Variants in SLC35F2 observed in about 807,000 individuals in gnomAD.
SLC35F2 encodes solute carrier family 35 member F2.
In SLC35F2, 25 loss-of-function variants were observed where a neutral mutation model predicts 38.1. That is an observed-to-expected ratio of 0.66 (90% confidence interval 0.48 to 0.92). SLC35F2 has a LOEUF of 0.92. SLC35F2 is among the 40% of genes least tolerant of loss of function. The probability of loss-of-function intolerance (pLI) is 0.00; values close to 1 mark genes in which losing one functional copy is unlikely to be tolerated. For missense variants in SLC35F2, 409 were observed against 452.9 expected (o/e 0.90, Z 0.88); for synonymous variants, 173 against 181.7 (o/e 0.95, Z 0.38).
At chr11:107,806,967 T>A in intron 3 of SLC35F2, 91 bp from the exon 4 acceptor site, 1 of 1,158,942 alleles carries the variant, frequency 8.6e-7, no homozygotes, top group South Asian at 1.5e-5. Flanking sequence ...GTATTTATAA[T>A]AGGAGTCAGT....
At chr11:107,829,954 T>C (rs1478150872) in intron 1 of SLC35F2, among the ~76,000 whole-genome samples, 1 of 152,130 alleles carries the variant, frequency 6.6e-6, no homozygotes, top group Non-Finnish European at 1.5e-5. Context: ...AAATTTATAT[T>C]CATCACTACT....
chr11:107,824,422 G>A (rs954287435), intron 1 of SLC35F2, among the ~76,000 whole-genome samples: 2 of 152,194 alleles, frequency 1.3e-5, no homozygotes, highest in South Asian at 2.1e-4. Context: ...TCCAGAGTTA[G>A]ATAAAACTGG....
At chr11:107,808,961 G>T (rs886683322) in intron 3 of SLC35F2, among the ~76,000 whole-genome samples, 1 of 152,164 alleles carries the variant, frequency 6.6e-6, no homozygotes, top group Non-Finnish European at 1.5e-5. Context: ...AACAACTTTT[G>T]TTGGGCAATG....
At chr11:107,802,237 C>CAAAAAAA (rs1196154388) in intron 7 of SLC35F2, among the ~76,000 whole-genome samples, 2 of 112,430 alleles carry the variant, frequency 1.8e-5, no homozygotes, top group East Asian at 5.5e-4. Flanking sequence ...GACTCCATCT[C>CAAAAAAA]AAAAAAAATA....
At chr11:107,847,758 A>G (rs899766024) in intron 1 of SLC35F2, among the ~76,000 whole-genome samples, 1 of 152,218 alleles carries the variant, frequency 6.6e-6, no homozygotes, top group Admixed American at 6.5e-5. Context: ...TGGTGCTAAC[A>G]GTGAAAGCAA....
intron 1 of SLC35F2, among the ~76,000 whole-genome samples, chr11:107,846,082 T>G (rs994732262): frequency 1.3e-5 from 2 of 151,980 alleles, no homozygotes; most frequent in African/African-American, 2.4e-5. Flanking sequence ...ATTCAAATCT[T>G]TATTTGGGGT....
At chr11:107,843,286 G>C (rs1860040445) in intron 1 of SLC35F2, among the ~76,000 whole-genome samples, 1 of 152,142 alleles carries the variant, frequency 6.6e-6, no homozygotes, top group Non-Finnish European at 1.5e-5. Context: ...AATTGAGGCT[G>C]GCCAGGCACA....
Position 107,803,092 on chromosome 11 carries a change from A to G in SLC35F2, c.848T>C (p.Ile283Thr). Residue 283 changes from isoleucine to threonine, a missense_variant, in exon 7 of 8, where the codon ATT becomes ACT. Ile to Thr is a moderately conservative substitution (Grantham distance 89). Transcript: ENST00000525815. The stretch of plus-strand genomic sequence containing the variant: ...GACGGAAGTGGCACTAGTGACTTTA[A>G]TCACCAATGGCATGAAGCTGTACAG... ...FCLYSFMPLV[I>T]KVTSATSVNL... The G allele has an allele frequency of 6.2e-7, 1 of 1,614,102 alleles. No individual in the cohort carries two copies. Among genetic ancestry groups the G allele is most frequent in the Non-Finnish European group, 8.5e-7 (1 of 1,179,986 alleles).
At chr11:107,845,589 ATC>A (rs1202510887) in intron 1 of SLC35F2, among the ~76,000 whole-genome samples, 1 of 152,136 alleles carries the variant, frequency 6.6e-6, no homozygotes, top group East Asian at 1.9e-4. Flanking sequence ...TTTTCATGGA[ATC>A]TCTCTGTGTA....
intron 1 of SLC35F2, among the ~76,000 whole-genome samples, chr11:107,850,814 CAAA>C (rs528066229): frequency 4.1e-5 from 5 of 121,360 alleles, no homozygotes; most frequent in Middle Eastern, 3.8e-3. Flanking sequence ...ACTCCGTCTC[CAAA>C]AAAAAAAAAA....
intron 1 of SLC35F2, among the ~76,000 whole-genome samples, chr11:107,851,186 C>A (rs529535683): frequency 2.0e-5 from 3 of 151,874 alleles, no homozygotes; most frequent in African/African-American, 7.2e-5. Context: ...TCTCTTGAAC[C>A]CGGGAGGCGG....
In SLC35F2 at chr11:107,853,719, CAAAAAAA is replaced by C. The variant is rs67932834; in HGVS notation, c.110+4932_110+4938del. Reference sequence around the variant, plus strand: ...TGGGCGACAGAGCGAGACTCCGTCTCAAAAAAAAAAAAAAAAAAAAAAGAAAGAATCA... The same window carrying C: ...TGGGCGACAGAGCGAGACTCCGTCTCAAAAAAAAAAAAAAAGAAAGAATCA... On this transcript the variant is annotated intron_variant, in intron 1 of 7. Transcript: ENST00000525815. Among the ~76,000 whole-genome samples, 9 of 68,162 alleles carry C rather than the reference CAAAAAAA, an allele frequency of 1.3e-4. No homozygotes were observed. In the South Asian group the frequency reaches 1.8e-3, roughly 14 times the overall value. The allele number at this position is 68,162 out of a possible 152,430, so 44.7% of individuals were successfully genotyped here.
chr11:107,831,665 A>G (rs1859844449), intron 1 of SLC35F2, among the ~76,000 whole-genome samples: 1 of 152,182 alleles, frequency 6.6e-6, no homozygotes. Context: ...TTCTTTTGAG[A>G]TGGTTGTCTT....
chr11:107,849,638 T>TA (rs2134858780), intron 1 of SLC35F2, among the ~76,000 whole-genome samples: 1 of 49,730 alleles, frequency 2.0e-5, no homozygotes, highest in Non-Finnish European at 4.4e-5. Context: ...GACTCCGTTT[T>TA]GGGAAAAAAA....
chr11:107,794,536 C>A (rs11212377), intron 7 of SLC35F2, among the ~76,000 whole-genome samples: 38 of 152,224 alleles, frequency 2.5e-4, no homozygotes, highest in African/African-American at 8.7e-4. Context: ...GAAAAGCAAA[C>A]TCAACTTATG....
At chr11:107,800,261 G>A (rs1343766122) in intron 7 of SLC35F2, among the ~76,000 whole-genome samples, 1 of 151,884 alleles carries the variant, frequency 6.6e-6, no homozygotes, top group African/African-American at 2.4e-5. Flanking sequence ...ACCTTAACCA[G>A]CAAGTCTGCA....
At chr11:107,850,052 G>C (rs1233231554) in intron 1 of SLC35F2, among the ~76,000 whole-genome samples, 4 of 152,176 alleles carry the variant, frequency 2.6e-5, no homozygotes, top group African/African-American at 9.6e-5. Context: ...TAGAGAGACT[G>C]CCTCCTCCTT....
intron 7 of SLC35F2, among the ~76,000 whole-genome samples, chr11:107,801,173 C>T (rs1405815749): frequency 2.0e-5 from 3 of 151,636 alleles, no homozygotes; most frequent in African/African-American, 4.8e-5. Flanking sequence ...TCCCAAAGTG[C>T]TGGGATTACA....
At chr11:107,854,270 G>GAA (rs34425904) in intron 1 of SLC35F2, among the ~76,000 whole-genome samples, 226 of 141,946 alleles carry the variant, frequency 1.6e-3, no homozygotes, top group Middle Eastern at 3.5e-3. Flanking sequence ...TGTCTCTACG[G>GAA]AAAAAAAAAA....
Sources: allele counts gnomAD v4.1 joint callset (sites outside exome capture counted in the v4.1 genomes callset), GRCh38; gene constraint gnomAD v4.1.1; transcripts MANE v1.5; gene names NCBI Gene and HGNC (gene_info 2026-07-23, HGNC 2026-07-21).